MEIKIN: variants seen among roughly 807,000 people sequenced by gnomAD.
MEIKIN encodes the protein meiosis-specific kinetochore protein.
At chr5:131,927,807 A>G (rs1751614203) in intron 5 of MEIKIN, among the ~76,000 whole-genome samples, 1 of 152,126 alleles carries the variant, frequency 6.6e-6, no homozygotes, top group Non-Finnish European at 1.5e-5. Flanking sequence ...TTTGTATGGA[A>G]TATCTTTTTC....
At chr5:131,868,561 TTTG>T (rs1441150593) in intron 9 of MEIKIN, among the ~76,000 whole-genome samples, 3 of 152,038 alleles carry the variant, frequency 2.0e-5, no homozygotes, top group Non-Finnish European at 4.4e-5. Context: ...TTTGGTTGGT[TTTG>T]TTGTTGTTGT....
intron 9 of MEIKIN, among the ~76,000 whole-genome samples, chr5:131,875,345 C>A (rs1386889040): frequency 1.3e-5 from 2 of 152,074 alleles, no homozygotes; most frequent in African/African-American, 4.8e-5. Flanking sequence ...TCTTATACAC[C>A]AATAACAGAG....
intron 7 of MEIKIN, among the ~76,000 whole-genome samples, chr5:131,915,999 T>A (rs772191577): frequency 6.6e-6 from 1 of 152,148 alleles, no homozygotes; most frequent in Non-Finnish European, 1.5e-5. Flanking sequence ...TATCGCAATA[T>A]AAATAAAACC....
intron 8 of MEIKIN, among the ~76,000 whole-genome samples, chr5:131,899,969 C>G (rs1270377791): frequency 6.6e-6 from 1 of 152,174 alleles, no homozygotes; most frequent in Non-Finnish European, 1.5e-5. Context: ...CATTTGTCTT[C>G]AATTATTTAG....
rs554704348 is a variant in MEIKIN at position 131,811,818 on chromosome 5, G to A, written c.1100-4560C>T. ...AGATGGGGTTTCACCGTGTTAGCCA[G>A]GATGGTCTCGATCTCCTGACCCGCC... On this transcript the variant is annotated intron_variant, in intron 12 of 12. Coordinates refer to ENST00000442687, the MANE Select transcript of MEIKIN (RefSeq NM_001303622.2). Among the ~76,000 whole-genome samples the A allele has an allele frequency of 3.9e-5, 6 of 152,246 alleles. No homozygotes were observed. In the South Asian group the frequency reaches 1.2e-3, roughly 32 times the overall value.
At chr5:131,940,509 A>C (rs377724127) in intron 4 of MEIKIN, among the ~76,000 whole-genome samples, 1 of 152,104 alleles carries the variant, frequency 6.6e-6, no homozygotes, top group East Asian at 1.9e-4. Context: ...ATTTCCTCAA[A>C]TGTTAGTTCT....
intron 8 of MEIKIN, among the ~76,000 whole-genome samples, chr5:131,903,410 G>A (rs1371909087): frequency 1.3e-5 from 2 of 152,080 alleles, no homozygotes; most frequent in Non-Finnish European, 2.9e-5. Flanking sequence ...TGAAGGGGCA[G>A]GTCACCTACA....
chr5:131,921,732 TGATA>T, intron 6 of MEIKIN, 86 bp downstream of exon 6: 1 of 396,784 alleles, frequency 2.5e-6, no homozygotes, highest in East Asian at 3.6e-5. Context: ...GCAATCCAAC[TGATA>T]GACTTAGCTT....
chr5:131,869,312 T>G (rs889722239), intron 9 of MEIKIN, among the ~76,000 whole-genome samples: 1 of 152,206 alleles, frequency 6.6e-6, no homozygotes, highest in Non-Finnish European at 1.5e-5. Context: ...ATTTCTGGGC[T>G]CTCTCTCTAT....
chr5:131,825,614 A>G (rs1254242301), intron 11 of MEIKIN, among the ~76,000 whole-genome samples: 1 of 152,204 alleles, frequency 6.6e-6, no homozygotes, highest in Non-Finnish European at 1.5e-5. Context: ...CAGAGGTCAA[A>G]CAGACACAGT....
chr5:131,919,583 G>A (rs1580907182), intron 6 of MEIKIN, among the ~76,000 whole-genome samples: 1 of 152,178 alleles, frequency 6.6e-6, no homozygotes, highest in East Asian at 1.9e-4. Flanking sequence ...AAACCAATGT[G>A]GAGTGATTTC....
intron 9 of MEIKIN, among the ~76,000 whole-genome samples, chr5:131,865,722 T>C (rs1236605235): frequency 6.6e-6 from 1 of 152,252 alleles, no homozygotes; most frequent in Non-Finnish European, 1.5e-5. Flanking sequence ...GCATATGTGT[T>C]GGTAGGCTAG....
At chr5:131,869,242 C>T (rs1041841382) in intron 9 of MEIKIN, among the ~76,000 whole-genome samples, 1 of 152,226 alleles carries the variant, frequency 6.6e-6, no homozygotes, top group Non-Finnish European at 1.5e-5. Flanking sequence ...ACCAACTTTT[C>T]TCCATTATAT....
In MEIKIN at chr5:131,900,924, C is replaced by T. The variant is rs1385989383; in HGVS notation, c.703+10891G>A. Among the ~76,000 whole-genome samples, 17 of 152,322 alleles carry T rather than the reference C, an allele frequency of 1.1e-4. No homozygotes were observed. In the East Asian group the frequency reaches 3.3e-3, roughly 29 times the overall value. On this transcript the variant is annotated intron_variant, in intron 8 of 12. Coordinates refer to ENST00000442687, the MANE Select transcript of MEIKIN (RefSeq NM_001303622.2). Reference sequence around the variant, plus strand: ...TCCCTTGTGCGGCTTTGCCTGCACACATTTGCCCATGTCCAACACCTAGAC... The same window carrying T: ...TCCCTTGTGCGGCTTTGCCTGCACATATTTGCCCATGTCCAACACCTAGAC...
At chr5:131,827,649 G>A (rs1305922946) in intron 11 of MEIKIN, among the ~76,000 whole-genome samples, 2 of 151,982 alleles carry the variant, frequency 1.3e-5, no homozygotes, top group African/African-American at 4.8e-5. Context: ...AATGAAAACA[G>A]GTTCAGTACA....
chr5:131,941,142 C>CTTTTTT lies in MEIKIN; in HGVS notation c.349+1487_349+1492dup, dbSNP rs397999274. On this transcript the variant is annotated intron_variant, in intron 4 of 12. Transcript: ENST00000442687. ...TTGACAATTCCTTCAAGATCTCTTC[C>CTTTTTT]TTTTTTTTTTTTTTTTTTTTTTTTT... Among the ~76,000 whole-genome samples, 271 of 59,760 alleles carry CTTTTTT rather than the reference C, an allele frequency of 4.5e-3. 13 individuals are homozygous for CTTTTTT. The highest frequency in any genetic ancestry group is 6.3e-3 in the African/African-American group (83 of 13,114). 39.2% of individuals were successfully genotyped at this position (59,760 alleles called of 152,430 possible). A position where few individuals can be genotyped will look rare whatever the true frequency, so the allele number is the denominator to read the frequency against.
At chr5:131,819,700 A>G (rs1056279367) in intron 11 of MEIKIN, among the ~76,000 whole-genome samples, 2 of 146,324 alleles carry the variant, frequency 1.4e-5, no homozygotes, top group African/African-American at 5.1e-5. Context: ...CCCACGTTCA[A>G]GTGATTTTCA....
chr5:131,814,646 T>C (rs185474839), intron 12 of MEIKIN, among the ~76,000 whole-genome samples: 1 of 152,276 alleles, frequency 6.6e-6, no homozygotes, highest in Admixed American at 6.5e-5. Flanking sequence ...GCCATAAAAT[T>C]CTCACCAAAG....
At chr5:131,847,414 A>G (rs1750039124) in intron 11 of MEIKIN, among the ~76,000 whole-genome samples, 1 of 152,106 alleles carries the variant, frequency 6.6e-6, no homozygotes, top group Admixed American at 6.5e-5. Flanking sequence ...TATCAGATAA[A>G]GTTTCAATCA....
Sources: gnomAD v4.1 joint callset for allele counts (sites outside exome capture counted in the v4.1 genomes callset) on GRCh38, gnomAD v4.1.1 for gene constraint, MANE v1.5 for transcripts, NCBI Gene and HGNC (gene_info 2026-07-23, HGNC 2026-07-21) for gene names.